NOC4L: variants seen among roughly 807,000 people sequenced by gnomAD.
NOC4L encodes the protein nucleolar complex associated 4 homolog, also known as nucleolar complex protein 4 homolog.
A neutral mutation model predicts 62.8 loss-of-function variants in NOC4L; 40 were observed. The observed-to-expected ratio is 0.64, with a 90% confidence interval of 0.49 to 0.83. NOC4L has a LOEUF of 0.83. NOC4L is among the 40% of genes least tolerant of loss of function. The pLI is 0.00. For synonymous variants in NOC4L, 433 were observed against 299.8 expected, an observed-to-expected ratio of 1.44 and a Z score of -4.59; for missense variants, 927 against 701.9, an observed-to-expected ratio of 1.32 and a Z score of -3.62.
Position 132,148,124 on chromosome 12 carries a change from A to T in NOC4L, c.738+18A>T. 6.2e-7 allele frequency: 1 copy of T among 1,612,778 alleles called. No individual in the cohort carries two copies. The highest frequency in any genetic ancestry group is 1.1e-5 in the South Asian group (1 of 91,024). Reference sequence around the variant, plus strand: ...ACCTGAAGGTGAGTTGCTTCTGGAGAGCCGGGCACCCTCCCGGGTTTGGGG... The same window carrying T: ...ACCTGAAGGTGAGTTGCTTCTGGAGTGCCGGGCACCCTCCCGGGTTTGGGG... On this transcript the variant is annotated intron_variant, in intron 7 of 14. Coordinates refer to ENST00000330579, the MANE Select transcript of NOC4L (RefSeq NM_024078.3).
At chr12:132,150,796 G>A (rs573493098) in intron 9 of NOC4L, 185 bp from the exon 10 acceptor site, 63 of 458,902 alleles carry the variant, frequency 1.4e-4, no homozygotes, top group African/African-American at 8.5e-4. Flanking sequence ...CCTCTTCCCC[G>A]ATCCCACTGC....
chr12:132,152,355 T>G lies in NOC4L; in HGVS notation c.1505T>G (p.Leu502Arg). ...GAGTTTATCCCAGCCCAGGGCCTGCTGGGACGGCCGGGTGAACTCTGTGCC... is the reference window on the plus strand; with the variant it reads ...GAGTTTATCCCAGCCCAGGGCCTGCGGGGACGGCCGGGTGAACTCTGTGCC... ...PLEFIPAQGL[L>R]GRPGELCAQH... The change falls in exon 15 of 15, where the codon CTG becomes CGG. Residue 502 changes from leucine (L) to arginine (R), a missense_variant. By Grantham distance (102) the Leu-to-Arg change is moderately radical. Coordinates refer to ENST00000330579, the MANE Select transcript of NOC4L (RefSeq NM_024078.3). The G allele has an allele frequency of 6.4e-7, 1 of 1,573,800 alleles. No homozygotes were observed. Among genetic ancestry groups the G allele is most frequent in the Non-Finnish European group, 8.6e-7 (1 of 1,158,828 alleles).
In NOC4L at chr12:132,152,418, A is replaced by G. The variant is rs1258510528; in HGVS notation, c.*17A>G. ...CTCAGCTGACCCTGGCCCACCTGTG[A>G]ATAAATCTCAGCTGACCCCAGCCCA... On this transcript the variant is annotated 3_prime_UTR_variant, in exon 15 of 15. Transcript: ENST00000330579. 3 of 1,566,402 alleles carry G rather than the reference A, an allele frequency of 1.9e-6. No individual in the cohort carries two copies. The highest frequency in any genetic ancestry group is 2.6e-6 in the Non-Finnish European group (3 of 1,152,330).
At chr12:132,145,101 C>A in intron 2 of NOC4L, 127 bp downstream of exon 2, 1 of 1,327,778 alleles carries the variant, frequency 7.5e-7, no homozygotes, top group East Asian at 2.6e-5. Context: ...ACGCACCAAG[C>A]CCACCGTGGA....
chr12:132,151,250 G>A lies in NOC4L; in HGVS notation c.963-8G>A. ...CTCCATCCGCTGCTCCTTCCCCCCG[G>A]CCCGCAGGGAGTACCCTGACTTCTA... On this transcript the variant is annotated splice_polypyrimidine_tract_variant and splice_region_variant and intron_variant, in intron 10 of 14. Transcript: ENST00000330579. 6.2e-7 allele frequency: 1 copy of A among 1,607,596 alleles called. No homozygotes were observed. Among genetic ancestry groups the A allele is most frequent in the Non-Finnish European group, 8.5e-7 (1 of 1,176,730 alleles).
rs1282493305 is a variant in NOC4L at position 132,145,440 on chromosome 12, C to T, written c.239-119C>T. ...TCTGGGGGCCTTAGCGACCTGTTTCCACCTGCGGAGGCTGAGTAGAAGACA... is the reference window on the plus strand; with the variant it reads ...TCTGGGGGCCTTAGCGACCTGTTTCTACCTGCGGAGGCTGAGTAGAAGACA... On this transcript the variant is annotated intron_variant, in intron 2 of 14. Coordinates refer to ENST00000330579, the MANE Select transcript of NOC4L (RefSeq NM_024078.3). The T allele has an allele frequency of 4.6e-6, 3 of 652,368 alleles. No individual in the cohort carries two copies. The African/African-American group carries it at 5.5e-5, about 12-fold the overall frequency. 40.4% of individuals were successfully genotyped at this position (652,368 alleles called of 1,614,324 possible). A position where few individuals can be genotyped will look rare whatever the true frequency, so the allele number is the denominator to read the frequency against.
rs1897689615 is a variant in NOC4L, at chr12:132,145,682, G to A, written c.345+17G>A. 1 of 1,572,304 alleles carries A rather than the reference G, an allele frequency of 6.4e-7. No homozygotes were observed. The highest frequency in any genetic ancestry group is 8.7e-7 in the Non-Finnish European group (1 of 1,144,388). On this transcript the variant is annotated intron_variant, in intron 3 of 14. Transcript: ENST00000330579. ...CAGGTCAAGGTGGGTCATTGGGCTG[G>A]CCTCATCCTTGTCCATCCCCTGCAC...
chr12:132,148,101 C>G lies in NOC4L; in HGVS notation c.733C>G (p.Leu245Val), dbSNP rs770580126. 9.9e-6 allele frequency: 16 copies of G among 1,613,242 alleles called. No homozygotes were observed. In the Admixed American group the frequency reaches 2.7e-4, roughly 27 times the overall value. ...ELWDTWKVAH[L>V]KEHRRVFQAM... ...GTGGGACACCTGGAAGGTTGCTCAC[C>G]TGAAGGTGAGTTGCTTCTGGAGAGC... Residue 245 changes from leucine (L) to valine (V), a missense_variant, in exon 7 of 15, where the codon CTG (leucine) becomes GTG (valine). Transcript: ENST00000330579.
chr12:132,145,005 T>C, intron 2 of NOC4L, 31 bp downstream of exon 2: 2 of 1,565,400 alleles, frequency 1.3e-6, no homozygotes, highest in Non-Finnish European at 1.7e-6. Flanking sequence ...GGGCTGCTCT[T>C]CTCTTTCCGT....
intron 2 of NOC4L, 85 bp downstream of exon 2, chr12:132,145,059 C>T (rs1897657796): frequency 6.1e-6 from 9 of 1,482,924 alleles, no homozygotes; most frequent in Middle Eastern, 1.8e-4. Flanking sequence ...GCGCCCCCAA[C>T]CCTGGCACAG....
At chr12:132,145,180 C>G (rs541495919) in intron 2 of NOC4L, among the ~76,000 whole-genome samples, 1 of 152,164 alleles carries the variant, frequency 6.6e-6, no homozygotes, top group South Asian at 2.1e-4. Flanking sequence ...GAACACTGGA[C>G]AAGGTACGAC....
chr12:132,147,222 C>T, intron 3 of NOC4L, 59 bp from the exon 4 acceptor site: 1 of 1,315,954 alleles, frequency 7.6e-7, no homozygotes, highest in Non-Finnish European at 1.0e-6. Flanking sequence ...CTGGGCTGAG[C>T]TCTGGGCCCA....
In NOC4L at chr12:132,148,630, G is replaced by C; in HGVS notation, c.760G>C (p.Ala254Pro). The C allele has an allele frequency of 3.9e-6, 6 of 1,546,062 alleles. No individual in the cohort carries two copies. Among genetic ancestry groups the C allele is most frequent in the Non-Finnish European group, 5.2e-6 (6 of 1,144,762 alleles). The change falls in exon 8 of 15, where the codon GCC becomes CCC. Residue 254 changes from alanine (A) to proline (P), a missense_variant. By Grantham distance (27) the Ala-to-Pro change is conservative (BLOSUM62 -1). Transcript: ENST00000330579. ...HLKEHRRVFQ[A>P]MWLSFLKHKL... ...GCAGGAGCACAGGAGGGTTTTCCAG[G>C]CCATGTGGCTCAGCTTCCTCAAGCA...
Position 132,147,876 on chromosome 12 carries a change from G to A in NOC4L, c.604-4G>A, listed in dbSNP as rs773810494. On this transcript the variant is annotated splice_region_variant and splice_polypyrimidine_tract_variant and intron_variant, in intron 5 of 14. Transcript: ENST00000330579. The stretch of plus-strand genomic sequence containing the variant: ...CGTCCAGGCACTCAGGCCAGGCTCC[G>A]CAGGTGCCCCCCGCCTTTTGGAACA... The A allele has an allele frequency of 1.6e-5, 25 of 1,609,244 alleles. No individual in the cohort carries two copies. Among genetic ancestry groups the A allele is most frequent in the East Asian group, 4.5e-5 (2 of 44,856 alleles).
chr12:132,150,979 AG>A lies in NOC4L; in HGVS notation c.907del, dbSNP rs765400964. ...CTCCAGCCTGTGTCTGTCTGTCTGC[AG>A]GGGGGGCCCTCAGCCTCTTGGCCTT... On this transcript the variant is annotated splice_acceptor_variant, in intron 9 of 14. Coordinates refer to ENST00000330579, the MANE Select transcript of NOC4L (RefSeq NM_024078.3). LOFTEE classifies it high-confidence loss of function. 2.1e-5 allele frequency: 34 copies of A among 1,599,682 alleles called. No individual in the cohort carries two copies. Among genetic ancestry groups the A allele is most frequent in the Admixed American group, 6.8e-5 (4 of 59,158 alleles).
At chr12:132,148,754 C>T (rs537231014) in intron 8 of NOC4L, 30 bp from the exon 9 acceptor site, 15 of 873,920 alleles carry the variant, frequency 1.7e-5, no homozygotes, top group African/African-American at 8.9e-5. Context: ...CCCACCCGCC[C>T]CTCACCCCCA....
Position 132,151,006 on chromosome 12 carries a change from G to A in NOC4L, c.927G>A (p.Leu309=), listed in dbSNP as rs1438551183. The part of the protein sequence containing the change: ...DLGGALSLLA[L]NGLFILIHKH... ...GGGGGGCCCTCAGCCTCTTGGCCTT[G>A]AACGGGCTGTTCATCTTGATTCACA... Residue 309 remains leucine, a synonymous_variant, in exon 10 of 15, where the codon TTG becomes TTA. Coordinates refer to ENST00000330579, the MANE Select transcript of NOC4L (RefSeq NM_024078.3). 9.9e-6 allele frequency: 16 copies of A among 1,611,082 alleles called. No homozygotes were observed. The highest frequency in any genetic ancestry group is 1.4e-5 in the Non-Finnish European group (16 of 1,179,178).
At chr12:132,147,256 C>G in intron 3 of NOC4L, 25 bp from the exon 4 acceptor site, 4 of 1,470,270 alleles carry the variant, frequency 2.7e-6, no homozygotes, top group Non-Finnish European at 3.6e-6. Context: ...GGCATCACAG[C>G]CACCCTGCAC....
chr12:132,148,213 C>T, intron 7 of NOC4L, 107 bp downstream of exon 7: 1 of 1,189,616 alleles, frequency 8.4e-7, no homozygotes. Context: ...AGGAAACTCC[C>T]AGGGTACAGG....
Sources: gnomAD v4.1 joint callset for allele counts (sites outside exome capture counted in the v4.1 genomes callset) on GRCh38, gnomAD v4.1.1 for gene constraint, MANE v1.5 for transcripts, NCBI Gene and HGNC (gene_info 2026-07-23, HGNC 2026-07-21) for gene names.